DGKE: variants seen among roughly 807,000 people sequenced by gnomAD.
DGKE encodes the protein DAG kinase epsilon.
A neutral mutation model predicts 70.0 loss-of-function variants in DGKE; 53 were observed. The ratio of observed to expected loss-of-function variants is 0.76; its 90% CI spans 0.61 to 0.95. The LOEUF is 0.95. Ranked by LOEUF, DGKE falls within the 40% of genes least tolerant of loss-of-function variation. The probability of loss-of-function intolerance (pLI) is 0.00; values close to 1 mark genes in which losing one functional copy is unlikely to be tolerated. For missense variants in DGKE, 655 were observed against 706.9 expected (o/e 0.93, Z 0.83); for synonymous variants, 291 against 257.0 (o/e 1.13, Z -1.27).
chr17:56,854,043 A>G (rs1391937464), intron 7 of DGKE, among the ~76,000 whole-genome samples: 1 of 121,068 alleles, frequency 8.3e-6, no homozygotes, highest in Non-Finnish European at 1.7e-5. Context: ...CCTAGAGGAC[A>G]TTATGTTAAA....
chr17:56,858,462 C>T, intron 8 of DGKE, 132 bp from the exon 9 acceptor site: 1 of 654,818 alleles, frequency 1.5e-6, no homozygotes, highest in Non-Finnish European at 2.4e-6. Flanking sequence ...TTCTTTTCAT[C>T]AGCATCTAGT....
At chr17:56,842,959 G>A (rs1365657727) in intron 2 of DGKE, among the ~76,000 whole-genome samples, 1 of 152,148 alleles carries the variant, frequency 6.6e-6, no homozygotes, top group East Asian at 1.9e-4. Flanking sequence ...TATTTCAAAA[G>A]CAAGCATATG....
In DGKE at chr17:56,867,130, G is replaced by A. The variant is rs1908553580; in HGVS notation, c.*4339G>A. The A allele has an allele frequency of 6.6e-6, 1 of 152,184 alleles. No individual in the cohort carries two copies. The highest frequency in any genetic ancestry group is 1.5e-5 in the Non-Finnish European group (1 of 68,042). The allele number at this position is 152,184 out of a possible 1,614,324, so 9.4% of individuals were successfully genotyped here. On this transcript the variant is annotated 3_prime_UTR_variant, in exon 12 of 12. Coordinates refer to ENST00000284061, the MANE Select transcript of DGKE (RefSeq NM_003647.3). ...TATATATTTACCCATGTGGCCCTGT[G>A]TAGTCAGTGCATGAGGCTTGCATAG...
chr17:56,844,943 C>T (rs1261933961), intron 3 of DGKE, among the ~76,000 whole-genome samples: 1 of 152,126 alleles, frequency 6.6e-6, no homozygotes, highest in Admixed American at 6.5e-5. Flanking sequence ...GATTTTATGA[C>T]TTACATGCCA....
Position 56,835,240 on chromosome 17 carries a change from C to T in DGKE, c.445C>T (p.Pro149Ser). 1.9e-6 allele frequency: 3 copies of T among 1,611,580 alleles called. No homozygotes were observed. The highest frequency in any genetic ancestry group is 2.5e-6 in the Non-Finnish European group (3 of 1,179,320). Residue 149 changes from proline to serine, a missense_variant, in exon 2 of 12, where the codon CCC (proline) becomes TCC (serine). Pro to Ser is a moderately conservative substitution (Grantham distance 74, BLOSUM62 -1). Coordinates refer to ENST00000284061, the MANE Select transcript of DGKE (RefSeq NM_003647.3). ...MVCKQQCGCQ[P>S]KLCDYRCIWC... ...TTGCAAGCAGCAGTGTGGCTGTCAA[C>T]CCAAGCTTTGCGATTACAGGTATGG...
At chr17:56,848,149 GTT>G in intron 5 of DGKE, 84 bp downstream of exon 5, 1 of 894,188 alleles carries the variant, frequency 1.1e-6, no homozygotes. Context: ...TTTTGTTGTT[GTT>G]TTGTTGTTGT....
chr17:56,836,251 A>C (rs1906612651), intron 2 of DGKE: 1 of 152,196 alleles, frequency 6.6e-6, no homozygotes, highest in African/African-American at 2.4e-5. Context: ...CATGAACGCT[A>C]TTATAATGTC....
intron 2 of DGKE, among the ~76,000 whole-genome samples, chr17:56,841,120 ATGCACC>A (rs1906953859): frequency 6.6e-6 from 1 of 151,924 alleles, no homozygotes; most frequent in Admixed American, 6.6e-5. Context: ...GCGTGGTAGC[ATGCACC>A]TGTAGTCCCA....
chr17:56,837,108 A>G (rs1324972756), intron 2 of DGKE, among the ~76,000 whole-genome samples: 2 of 152,264 alleles, frequency 1.3e-5, no homozygotes, highest in South Asian at 2.1e-4. Flanking sequence ...TAGAAATGCA[A>G]ATTCTAGGGT....
In DGKE at chr17:56,865,607, T is replaced by A. The variant is rs903781479; in HGVS notation, c.*2816T>A. ...CTGTGAACCCCTAATGTAGCTAAGT[T>A]TATACAAATTTTATAATCAAAATTA... On this transcript the variant is annotated 3_prime_UTR_variant, in exon 12 of 12. Transcript: ENST00000284061. 6 of 152,178 alleles carry A rather than the reference T, an allele frequency of 3.9e-5. No homozygotes were observed. In the South Asian group the frequency reaches 1.2e-3, roughly 31 times the overall value. The allele number at this position is 152,178 out of a possible 1,614,324, so 9.4% of individuals were successfully genotyped here. A position where few individuals can be genotyped will look rare whatever the true frequency, so the allele number is the denominator to read the frequency against.
chr17:56,859,577 GC>G (rs1481657796), intron 9 of DGKE, among the ~76,000 whole-genome samples: 2 of 151,448 alleles, frequency 1.3e-5, no homozygotes, highest in Non-Finnish European at 2.9e-5. Context: ...CCACCACTAC[GC>G]CCGGCTAATT....
At chr17:56,837,147 A>G (rs951213596) in intron 2 of DGKE, among the ~76,000 whole-genome samples, 43 of 152,192 alleles carry the variant, frequency 2.8e-4, no homozygotes, top group African/African-American at 1.0e-3. Context: ...AAAATAAAAT[A>G]TTGCAGAATT....
At chr17:56,847,195 T>A (rs1907336310) in intron 4 of DGKE, among the ~76,000 whole-genome samples, 1 of 149,294 alleles carries the variant, frequency 6.7e-6, no homozygotes, top group Non-Finnish European at 1.5e-5. Context: ...GCAAAATTGC[T>A]TTCCAGAAAT....
At chr17:56,847,822 T>C (rs1907388974) in intron 4 of DGKE, 100 bp from the exon 5 acceptor site, 2 of 799,336 alleles carry the variant, frequency 2.5e-6, no homozygotes, top group Non-Finnish European at 3.6e-6. Context: ...TAGCCAGTAA[T>C]GTTATTTAAC....
Position 56,863,064 on chromosome 17 carries a change from T to G in DGKE, c.*273T>G. On this transcript the variant is annotated 3_prime_UTR_variant, in exon 12 of 12. Coordinates refer to ENST00000284061, the MANE Select transcript of DGKE (RefSeq NM_003647.3). Reference sequence around the variant, plus strand: ...CATGAGAGTGAAAATTTGTTATGACTGTTTTGAGAGTGGGACTCACTCTGA... The same window carrying G: ...CATGAGAGTGAAAATTTGTTATGACGGTTTTGAGAGTGGGACTCACTCTGA... The G allele has an allele frequency of 3.6e-6, 1 of 274,556 alleles. No homozygotes were observed. The highest frequency in any genetic ancestry group is 6.7e-6 in the Non-Finnish European group (1 of 148,542). 17.0% of individuals were successfully genotyped at this position (274,556 alleles called of 1,614,324 possible).
chr17:56,839,373 A>G (rs1906824995), intron 2 of DGKE, among the ~76,000 whole-genome samples: 3 of 152,236 alleles, frequency 2.0e-5, no homozygotes, highest in Admixed American at 1.3e-4. Flanking sequence ...ATACCAAGAC[A>G]TTTTAGTAAT....
rs768056634 is a variant in DGKE, at chr17:56,844,177, T to C, written c.623T>C (p.Val208Ala). 6.7e-7 allele frequency: 1 copy of C among 1,501,792 alleles called. No homozygotes were observed. The highest frequency in any genetic ancestry group is 2.5e-5 in the Admixed American group (1 of 40,550). 93.0% of individuals were successfully genotyped at this position (1,501,792 alleles called of 1,614,324 possible). ...AAAGACAAAAAAACAGATTATGAAG[T>C]GGTAATTAGAGTTTATTTCTCTAAT... The part of the protein sequence containing the change: ...MRKDKKTDYE[V>A]LASKLGKQWT... The change falls in exon 3 of 12, where the codon GTG (valine) becomes GCG (alanine). Residue 208 changes from valine (V) to alanine (A), a missense_variant and splice_region_variant. Physicochemically the swap from Val to Ala is moderately conservative, Grantham distance 64. Coordinates refer to ENST00000284061, the MANE Select transcript of DGKE (RefSeq NM_003647.3).
At chr17:56,848,493 T>G (rs550183818) in intron 5 of DGKE, among the ~76,000 whole-genome samples, 1 of 152,330 alleles carries the variant, frequency 6.6e-6, no homozygotes, top group South Asian at 2.1e-4. Flanking sequence ...TTTTTTATTA[T>G]GCAGATGAAT....
rs73327139 is a variant in DGKE at position 56,863,070 on chromosome 17, G to A, written c.*279G>A. ...AGTGAAAATTTGTTATGACTGTTTTGAGAGTGGGACTCACTCTGAAGTATG... is the reference window on the plus strand; with the variant it reads ...AGTGAAAATTTGTTATGACTGTTTTAAGAGTGGGACTCACTCTGAAGTATG... On this transcript the variant is annotated 3_prime_UTR_variant, in exon 12 of 12. Coordinates refer to ENST00000284061, the MANE Select transcript of DGKE (RefSeq NM_003647.3). 2,769 of 264,368 alleles carry A rather than the reference G, an allele frequency of 0.01. 69 individuals carry two copies. The highest frequency in any genetic ancestry group is 0.057 in the African/African-American group (2,567 of 45,130). 16.4% of individuals were successfully genotyped at this position (264,368 alleles called of 1,614,324 possible).
Sources: allele counts gnomAD v4.1 joint callset (sites outside exome capture counted in the v4.1 genomes callset), GRCh38; gene constraint gnomAD v4.1.1; transcripts MANE v1.5; gene names NCBI Gene and HGNC (gene_info 2026-07-23, HGNC 2026-07-21).